SEZ6L: variants seen among roughly 807,000 people sequenced by gnomAD.
SEZ6L encodes seizure 6-like protein.
SEZ6L carries 37 observed loss-of-function variants against 106.2 expected under a neutral mutation model. The ratio of observed to expected loss-of-function variants is 0.35; its 90% confidence interval spans 0.27 to 0.46. The LOEUF is 0.46. Among genes scored for constraint, SEZ6L ranks in the 20% least tolerant of loss-of-function variants. The pLI is 1.00. For synonymous variants in SEZ6L, 541 were observed against 570.4 expected (o/e 0.95, Z 0.73); for missense variants, 1,172 against 1,332.8 (o/e 0.88, Z 1.88).
At chr22:26,249,687 T>G (rs1315429821) in intron 1 of SEZ6L, among the ~76,000 whole-genome samples, 1 of 152,206 alleles carries the variant, frequency 6.6e-6, no homozygotes, top group Non-Finnish European at 1.5e-5. Flanking sequence ...CCTTTGGATA[T>G]ATACCTGAGA....
In SEZ6L at chr22:26,348,565, G is replaced by GAAAGAAA. The variant is rs2083094288; in HGVS notation, c.2407+652_2407+653insAAAGAAA. ...AGGAAGGAAGGAAGGAAGGAAGGGAGGAAAGAAAGAAAGAAAGAAAGAGAA... is the reference window on the plus strand; with the variant it reads ...AGGAAGGAAGGAAGGAAGGAAGGGAGAAAGAAAGAAAGAAAGAAAGAAAGAAAGAGAA... On this transcript the variant is annotated intron_variant, in intron 11 of 16. Transcript: ENST00000248933. Among the ~76,000 whole-genome samples, 7 of 34,720 alleles carry GAAAGAAA rather than the reference G, an allele frequency of 2.0e-4. No homozygotes were observed. In the South Asian group the frequency reaches 3.5e-3, roughly 17 times the overall value. The allele number at this position is 34,720 out of a possible 152,430, so 22.8% of individuals were successfully genotyped here. A position where few individuals can be genotyped will look rare whatever the true frequency, so the allele number is the denominator to read the frequency against.
At chr22:26,310,506 A>G (rs2081786832) in intron 6 of SEZ6L, among the ~76,000 whole-genome samples, 164 bp from the exon 7 acceptor site, 1 of 151,928 alleles carries the variant, frequency 6.6e-6, no homozygotes, top group Admixed American at 6.6e-5. Flanking sequence ...ATTGAACTCC[A>G]GGCTGGGCAA....
intron 13 of SEZ6L, among the ~76,000 whole-genome samples, chr22:26,366,177 C>G (rs931066940): frequency 2.0e-5 from 3 of 151,020 alleles, no homozygotes; most frequent in African/African-American, 7.3e-5. Context: ...ACTTAAAATA[C>G]AAAAAAATTA....
At chr22:26,298,391 C>T (rs530008562) in intron 4 of SEZ6L, among the ~76,000 whole-genome samples, 7 of 152,284 alleles carry the variant, frequency 4.6e-5, no homozygotes, top group African/African-American at 7.2e-5. Context: ...CTACTGACTG[C>T]GAAGGAGGCT....
intron 1 of SEZ6L, among the ~76,000 whole-genome samples, chr22:26,251,533 G>A (rs1003090): frequency 0.13 from 19,460 of 152,188 alleles, 1,671 homozygotes; most frequent in East Asian, 0.35. Flanking sequence ...AAGACTGAAG[G>A]GGAGCTGGAG....
chr22:26,218,313 T>C (rs965111909), intron 1 of SEZ6L, among the ~76,000 whole-genome samples: 1 of 152,158 alleles, frequency 6.6e-6, no homozygotes, highest in Admixed American at 6.5e-5. Context: ...GTACAATACA[T>C]GTGCCATGGT....
At chr22:26,291,927 TC>T (rs2081121924) in intron 1 of SEZ6L, among the ~76,000 whole-genome samples, 1 of 151,436 alleles carries the variant, frequency 6.6e-6, no homozygotes, top group Admixed American at 6.6e-5. Flanking sequence ...GTTTCTATAC[TC>T]CTAATGCTTA....
chr22:26,331,926 A>G (rs960398640), intron 9 of SEZ6L, among the ~76,000 whole-genome samples: 1 of 152,114 alleles, frequency 6.6e-6, no homozygotes, highest in Non-Finnish European at 1.5e-5. Context: ...TGGAGGTTGC[A>G]ACGAGCTGAG....
intron 9 of SEZ6L, among the ~76,000 whole-genome samples, chr22:26,340,199 A>C (rs2082782901): frequency 2.0e-5 from 3 of 151,958 alleles, no homozygotes; most frequent in African/African-American, 7.3e-5. Context: ...GTGCCACTGC[A>C]CTCTAGCCTG....
chr22:26,192,915 C>T (rs1261118789), intron 1 of SEZ6L, among the ~76,000 whole-genome samples: 4 of 152,166 alleles, frequency 2.6e-5, no homozygotes, highest in Non-Finnish European at 5.9e-5. Context: ...TGCCCTCCAC[C>T]CCTTTAGGTA....
chr22:26,271,585 T>A (rs769684704), intron 1 of SEZ6L, among the ~76,000 whole-genome samples: 2 of 152,202 alleles, frequency 1.3e-5, no homozygotes, highest in Non-Finnish European at 2.9e-5. Context: ...TCTCACTCAG[T>A]CAGTTCCTGT....
intron 10 of SEZ6L, among the ~76,000 whole-genome samples, chr22:26,346,073 C>T (rs1375364952): frequency 6.6e-6 from 1 of 151,772 alleles, no homozygotes; most frequent in East Asian, 1.9e-4. Context: ...TGTCACCGAG[C>T]CTGGAGTGCA....
intron 12 of SEZ6L, among the ~76,000 whole-genome samples, chr22:26,360,629 G>C (rs1459847971): frequency 6.6e-6 from 1 of 152,184 alleles, no homozygotes; most frequent in Non-Finnish European, 1.5e-5. Context: ...GTAGGGATTT[G>C]TGTTCTCTGA....
intron 1 of SEZ6L, among the ~76,000 whole-genome samples, chr22:26,224,434 G>A (rs938885611): frequency 6.6e-6 from 1 of 152,202 alleles, no homozygotes; most frequent in African/African-American, 2.4e-5. Flanking sequence ...GACAGACACA[G>A]ATCATCTAGT....
At chr22:26,315,734 G>A (rs891356944) in intron 9 of SEZ6L, among the ~76,000 whole-genome samples, 12 of 152,120 alleles carry the variant, frequency 7.9e-5, no homozygotes, top group East Asian at 3.9e-4. Context: ...GATTTTACGC[G>A]TTCCTAGCCC....
intron 1 of SEZ6L, among the ~76,000 whole-genome samples, chr22:26,270,463 G>GT (rs2080327712): frequency 3.1e-4 from 45 of 146,372 alleles, no homozygotes; most frequent in African/African-American, 1.1e-3. Flanking sequence ...AATTGTGAGG[G>GT]GTGTGTGTGT....
intron 9 of SEZ6L, among the ~76,000 whole-genome samples, chr22:26,330,616 G>A (rs1179143818): frequency 1.3e-5 from 2 of 152,138 alleles, no homozygotes; most frequent in Non-Finnish European, 2.9e-5. Flanking sequence ...AGCAAGAGAT[G>A]GGCTGAGACC....
intron 1 of SEZ6L, among the ~76,000 whole-genome samples, chr22:26,252,822 T>C (rs151163333): frequency 1.8e-4 from 27 of 152,392 alleles, no homozygotes; most frequent in African/African-American, 5.3e-4. Flanking sequence ...CAATCCATCA[T>C]TGATGGGCAC....
rs925143628 is a variant in SEZ6L at position 26,380,234 on chromosome 22, G to A, written c.3046-32G>A. 6.8e-6 allele frequency: 11 copies of A among 1,611,670 alleles called. No individual in the cohort carries two copies. The African/African-American group carries it at 9.3e-5, about 14-fold the overall frequency. On this transcript the variant is annotated intron_variant, in intron 16 of 16. Transcript: ENST00000248933. The stretch of plus-strand genomic sequence containing the variant: ...ATGTATATCACTCTACCACACAAGC[G>A]TTTGACAAATCCGTGCTTCTCTCTC...
Sources: gnomAD v4.1 joint callset for allele counts (sites outside exome capture counted in the v4.1 genomes callset) on GRCh38, gnomAD v4.1.1 for gene constraint, MANE v1.5 for transcripts, NCBI Gene and HGNC (gene_info 2026-07-23, HGNC 2026-07-21) for gene names.